KAT6B: variants seen among roughly 807,000 people sequenced by gnomAD.
KAT6B encodes histone acetyltransferase KAT6B.
Under a neutral mutation model 187.5 loss-of-function variants are expected in KAT6B, and 10 were observed. The ratio of observed to expected loss-of-function variants is 0.05; its 90% CI spans 0.03 to 0.09. The LOEUF (loss-of-function observed/expected upper bound fraction) is 0.09. KAT6B is among the 10% of genes least tolerant of loss of function. KAT6B has a pLI of 1.00. For missense variants in KAT6B, 1,952 were observed against 2,558.9 expected, an observed-to-expected ratio of 0.76 and a Z score of 5.12; for synonymous variants, 861 against 926.8, an observed-to-expected ratio of 0.93 and a Z score of 1.29.
At position 75,028,898 on chromosome 10, in the gene KAT6B, G is replaced by GGAGGAAGAGGAAGAAGAGGAAGAA; in HGVS notation, c.4082_4105dup (p.Glu1361_Glu1368dup). Reference sequence around the variant, plus strand: ...CTGAGGAAGAGGAAGAGGAGGAGGAGGAGGAAGAGGAAGAAGAGGAAGAAG... The same window carrying GGAGGAAGAGGAAGAAGAGGAAGAA: ...CTGAGGAAGAGGAAGAGGAGGAGGAGGAGGAAGAGGAAGAAGAGGAAGAAGAGGAAGAGGAAGAAGAGGAAGAAG... On this transcript the variant is annotated inframe_insertion, in exon 18 of 18. Transcript: ENST00000287239. The GGAGGAAGAGGAAGAAGAGGAAGAA allele has an allele frequency of 1.2e-6, 2 of 1,609,576 alleles. No individual in the cohort carries two copies. The highest frequency in any genetic ancestry group is 1.7e-6 in the Non-Finnish European group (2 of 1,176,416).
chr10:75,003,814 T>C (rs374144273), intron 13 of KAT6B, among the ~76,000 whole-genome samples: 1 of 152,344 alleles, frequency 6.6e-6, no homozygotes, highest in African/African-American at 2.4e-5. Context: ...GCTGAATGCA[T>C]TGAAATGAGT....
chr10:74,910,808 G>T (rs1385885032), intron 3 of KAT6B, among the ~76,000 whole-genome samples: 1 of 152,054 alleles, frequency 6.6e-6, no homozygotes, highest in African/African-American at 2.4e-5. Flanking sequence ...ATGGAAGAAG[G>T]CATGGAGTAA....
At chr10:74,966,495 T>C (rs1180092008) in intron 4 of KAT6B, among the ~76,000 whole-genome samples, 1 of 152,218 alleles carries the variant, frequency 6.6e-6, no homozygotes, top group Non-Finnish European at 1.5e-5. Context: ...TCCAAAAAGC[T>C]TTTCCACTGG....
In KAT6B at chr10:74,957,851, T is replaced by C. The variant is rs149597434; in HGVS notation, c.622-2119T>C. ...GTTGCAAGTAATAACTATGGATCCA[T>C]AATTATGCAGTGCTGATTATCTGGC... On this transcript the variant is annotated intron_variant, in intron 3 of 17. Coordinates refer to ENST00000287239, the MANE Select transcript of KAT6B (RefSeq NM_012330.4). Among the ~76,000 whole-genome samples, 499 of 152,336 alleles carry C rather than the reference T, an allele frequency of 3.3e-3. 7 individuals are homozygous for C. The highest frequency in any genetic ancestry group is 0.011 in the African/African-American group (462 of 41,574).
Position 75,029,156 on chromosome 10 carries a change from G to A in KAT6B, c.4332G>A (p.Leu1444=). The A allele has an allele frequency of 6.2e-7, 1 of 1,614,180 alleles. No homozygotes were observed. The highest frequency in any genetic ancestry group is 1.7e-5 in the Admixed American group (1 of 60,036). Residue 1444 remains leucine, a synonymous_variant, in exon 18 of 18, where the codon CTG becomes CTA. Transcript: ENST00000287239. This position sits in a 1 kb window ranked among gnomAD's most constrained non-coding sequence, Gnocchi z 6.2. ...CTGCCGAAGTGGAGAAGGAAGAGCTGCCCAGAGAAAGCTTCAAAGAAGTAC... is the reference window on the plus strand; with the variant it reads ...CTGCCGAAGTGGAGAAGGAAGAGCTACCCAGAGAAAGCTTCAAAGAAGTAC... ...MESAEVEKEE[L]PRESFKEVLE...
chr10:74,886,716 G>T (rs1589550881), intron 3 of KAT6B, among the ~76,000 whole-genome samples: 1 of 152,176 alleles, frequency 6.6e-6, no homozygotes, highest in Non-Finnish European at 1.5e-5. Flanking sequence ...TAAGTGCTAT[G>T]TTCTTGACTA....
At chr10:74,834,983 C>T (rs936368007) in intron 1 of KAT6B, among the ~76,000 whole-genome samples, 2 of 152,140 alleles carry the variant, frequency 1.3e-5, no homozygotes, top group Non-Finnish European at 2.9e-5. Flanking sequence ...CATTGAAACC[C>T]TCTTATGATC....
chr10:75,011,068 C>A (rs1844570075), intron 13 of KAT6B, among the ~76,000 whole-genome samples: 1 of 152,140 alleles, frequency 6.6e-6, no homozygotes, highest in African/African-American at 2.4e-5. Flanking sequence ...ATCCAAGTTT[C>A]AACTTGGGGA....
chr10:75,027,134 G>A lies in KAT6B; in HGVS notation c.3665-1355G>A, dbSNP rs1051532783. Among the ~76,000 whole-genome samples, 11 of 152,182 alleles carry A rather than the reference G, an allele frequency of 7.2e-5. 1 individual carries two copies. In the South Asian group the frequency reaches 1.5e-3, roughly 20 times the overall value. ...AGCCTGGGCAACAGAGCAAGACTCCGTCTCAAAAATAAAAAGAATGTGGAA... is the reference window on the plus strand; with the variant it reads ...AGCCTGGGCAACAGAGCAAGACTCCATCTCAAAAATAAAAAGAATGTGGAA... On this transcript the variant is annotated intron_variant, in intron 17 of 17. Transcript: ENST00000287239.
intron 3 of KAT6B, among the ~76,000 whole-genome samples, chr10:74,869,037 C>T (rs555544735): frequency 6.6e-6 from 1 of 152,314 alleles, no homozygotes; most frequent in East Asian, 1.9e-4. Flanking sequence ...CTCAAGTTCT[C>T]TGTTAGGGCT....
rs142771363 is a variant in KAT6B at position 74,988,365 on chromosome 10, A to T, written c.2536-654A>T. On this transcript the variant is annotated intron_variant, in intron 12 of 17. Coordinates refer to ENST00000287239, the MANE Select transcript of KAT6B (RefSeq NM_012330.4). Reference sequence around the variant, plus strand: ...CTACCCAGTCTTCCTCCTGGTTTCAAACTGTTCGTAATATTTTGGTCTAAC... The same window carrying T: ...CTACCCAGTCTTCCTCCTGGTTTCATACTGTTCGTAATATTTTGGTCTAAC... 9.5e-3 allele frequency among the ~76,000 whole-genome samples: 1,446 copies of T among 152,228 alleles called. 11 individuals carry two copies. Among genetic ancestry groups the T allele is most frequent in the Middle Eastern group, 0.017 (5 of 294 alleles).
At chr10:74,927,890 G>T (rs187512002) in intron 3 of KAT6B, among the ~76,000 whole-genome samples, 2 of 152,116 alleles carry the variant, frequency 1.3e-5, no homozygotes, top group African/African-American at 2.4e-5. Context: ...CCCTAAACTC[G>T]CAAGAGAATA....
intron 3 of KAT6B, among the ~76,000 whole-genome samples, chr10:74,934,303 T>A (rs1363718665): frequency 6.6e-6 from 1 of 152,198 alleles, no homozygotes; most frequent in Non-Finnish European, 1.5e-5. Flanking sequence ...TGGCAATTTT[T>A]TTCTGAAAAC....
intron 3 of KAT6B, among the ~76,000 whole-genome samples, chr10:74,938,180 G>A (rs867280457): frequency 4.6e-5 from 7 of 152,120 alleles, no homozygotes; most frequent in African/African-American, 7.2e-5. Flanking sequence ...AATGTGGACC[G>A]CAGGTCAGCA....
At chr10:74,858,992 C>G (rs1010852686) in intron 3 of KAT6B, among the ~76,000 whole-genome samples, 3 of 152,202 alleles carry the variant, frequency 2.0e-5, no homozygotes, top group African/African-American at 7.2e-5. Flanking sequence ...CCACCTTGGC[C>G]TCCCAGAGTG....
chr10:74,850,190 G>A (rs1037487231), intron 3 of KAT6B, among the ~76,000 whole-genome samples: 7 of 152,122 alleles, frequency 4.6e-5, no homozygotes, highest in South Asian at 2.1e-4. Context: ...CACCTGCCTC[G>A]GCCTGTGGTG....
chr10:74,979,405 A>C, intron 10 of KAT6B, 66 bp downstream of exon 10: 2 of 1,131,450 alleles, frequency 1.8e-6, no homozygotes, highest in Non-Finnish European at 2.7e-6. Context: ...AAAATTCTTG[A>C]TTCTAAAGCA....
intron 3 of KAT6B, among the ~76,000 whole-genome samples, chr10:74,926,772 A>T (rs1409740586): frequency 6.6e-6 from 1 of 152,210 alleles, no homozygotes; most frequent in African/African-American, 2.4e-5. Flanking sequence ...CATGGGACAG[A>T]GGTTTTGTTA....
chr10:74,951,249 C>T (rs1203437670), intron 3 of KAT6B, among the ~76,000 whole-genome samples: 1 of 151,888 alleles, frequency 6.6e-6, no homozygotes, highest in Non-Finnish European at 1.5e-5. Context: ...ACTGCCTCAG[C>T]CTCCAGAGTA....
Sources: allele counts gnomAD v4.1 joint callset (sites outside exome capture counted in the v4.1 genomes callset), GRCh38; gene constraint gnomAD v4.1.1; non-coding constraint Gnocchi (gnomAD v3.1); transcripts MANE v1.5; gene names NCBI Gene and HGNC (gene_info 2026-07-23, HGNC 2026-07-21).